TENM4: variants seen among roughly 807,000 people sequenced by gnomAD.
TENM4 encodes teneurin transmembrane protein 4, also known as teneurin-4.
In TENM4, 82 loss-of-function variants were observed where a neutral mutation model predicts 243.3. That is an observed-to-expected ratio of 0.34 (90% confidence interval 0.28 to 0.40). TENM4 has a LOEUF of 0.40. TENM4 is among the 10% of genes least tolerant of loss of function. The pLI is 1.00. For synonymous variants in TENM4, 1,412 were observed against 1,456.3 expected (o/e 0.97, Z 0.69); for missense variants, 3,138 against 3,673.3 (o/e 0.85, Z 3.77).
At chr11:78,893,191 G>A (rs532242242) in intron 7 of TENM4, among the ~76,000 whole-genome samples, 25 of 152,350 alleles carry the variant, frequency 1.6e-4, no homozygotes, top group African/African-American at 5.8e-4. Flanking sequence ...GAGCTTCAGA[G>A]GTGTGGACAT....
At chr11:79,364,817 C>T (rs1237338655) in intron 1 of TENM4, among the ~76,000 whole-genome samples, 4 of 152,196 alleles carry the variant, frequency 2.6e-5, no homozygotes, top group African/African-American at 7.2e-5. Context: ...AATTGTCCTA[C>T]ATTTGCTTTA....
intron 6 of TENM4, among the ~76,000 whole-genome samples, chr11:78,959,959 T>A (rs545068017): frequency 6.6e-6 from 1 of 151,954 alleles, no homozygotes; most frequent in South Asian, 2.1e-4. Flanking sequence ...ATATATATAT[T>A]TCCCCCCTAC....
At chr11:79,074,454 G>C (rs138343928) in intron 4 of TENM4, among the ~76,000 whole-genome samples, 1 of 152,212 alleles carries the variant, frequency 6.6e-6, no homozygotes, top group East Asian at 1.9e-4. Flanking sequence ...ATGCCTAAAC[G>C]TGTTCGCTCC....
chr11:78,877,121 C>T (rs1429955114), intron 9 of TENM4, among the ~76,000 whole-genome samples: 1 of 152,212 alleles, frequency 6.6e-6, no homozygotes, highest in Non-Finnish European at 1.5e-5. Context: ...TGTGCTTTTG[C>T]TCTGAGATCA....
intron 6 of TENM4, among the ~76,000 whole-genome samples, chr11:79,024,985 C>T (rs1859037094): frequency 1.3e-5 from 2 of 152,158 alleles, no homozygotes; most frequent in Admixed American, 1.3e-4. Context: ...ATATGCCTCT[C>T]TTGAAGACAG....
chr11:78,844,736 C>T (rs191761342), intron 12 of TENM4, among the ~76,000 whole-genome samples: 32 of 152,166 alleles, frequency 2.1e-4, no homozygotes, highest in Admixed American at 1.7e-3. Flanking sequence ...AGCAAGAAGG[C>T]GACTGTTGCC....
At chr11:78,714,527 G>C (rs994210568) in intron 25 of TENM4, among the ~76,000 whole-genome samples, 5 of 151,194 alleles carry the variant, frequency 3.3e-5, no homozygotes, top group Admixed American at 2.6e-4. Flanking sequence ...CCTGTAGCCT[G>C]GGTCCTCTTC....
At chr11:78,884,901 G>A (rs190747533) in intron 9 of TENM4, among the ~76,000 whole-genome samples, 5 of 152,244 alleles carry the variant, frequency 3.3e-5, no homozygotes, top group African/African-American at 2.4e-5. Context: ...TGTCAATTGC[G>A]AATAATAACT....
chr11:79,040,982 G>A (rs565174075), intron 6 of TENM4, among the ~76,000 whole-genome samples: 72 of 152,020 alleles, frequency 4.7e-4, no homozygotes, highest in African/African-American at 1.7e-3. Flanking sequence ...GTTAAGAAAT[G>A]AAAATACAAA....
intron 12 of TENM4, among the ~76,000 whole-genome samples, chr11:78,832,255 T>C (rs1591057081): frequency 6.6e-6 from 1 of 152,372 alleles, no homozygotes. Flanking sequence ...ATAGTGACCC[T>C]CATGGTTGGC....
At chr11:79,343,617 C>T (rs184084987) in intron 1 of TENM4, among the ~76,000 whole-genome samples, 38 of 151,772 alleles carry the variant, frequency 2.5e-4, no homozygotes, top group African/African-American at 8.9e-4. Context: ...GACTCCAATG[C>T]TTAATATGGT....
chr11:79,416,063 C>A (rs1056534094), intron 1 of TENM4, among the ~76,000 whole-genome samples: 1 of 152,170 alleles, frequency 6.6e-6, no homozygotes. Flanking sequence ...TTGGGCTAAT[C>A]AAGAATTTAT....
In TENM4 at chr11:78,732,574, A is replaced by T; in HGVS notation, c.2880T>A (p.Phe960Leu). ...AGATGCCGCCATTTGTCACCAAGTC[A>T]AAGCTGTTTGGGAGGGGAAGGTTGA... ...GYTISRQDGS[F>L]DLVTNGGISI... is the part of the protein sequence containing the mutation. The change falls in exon 21 of 34, where the codon TTT (phenylalanine) becomes TTA (leucine). Residue 960 changes from phenylalanine (F) to leucine (L), a missense_variant. Transcript: ENST00000278550. 1 of 1,597,684 alleles carries T rather than the reference A, an allele frequency of 6.3e-7. No individual in the cohort carries two copies.
intron 16 of TENM4, among the ~76,000 whole-genome samples, chr11:78,778,949 C>T (rs1306279643): frequency 6.6e-6 from 1 of 152,240 alleles, no homozygotes; most frequent in East Asian, 1.9e-4. Context: ...AAAGTGGCCA[C>T]ACTCCTGCTC....
At position 78,669,203 on chromosome 11, in the gene TENM4, A is replaced by G; in HGVS notation, c.7142T>C (p.Leu2381Pro). ...GTAGATCTCCCCATAGGCTGTGTAC[A>G]GGATTTGCTTGATCATCAAACCTGT... Reference protein sequence around the residue: ...SGTGLMIKQILYTAYGEIYMD... With the variant: ...SGTGLMIKQIPYTAYGEIYMD... Residue 2381 changes from leucine to proline, a missense_variant, in exon 32 of 34, where the codon CTG becomes CCG. By Grantham distance (98) the Leu-to-Pro change is moderately conservative. Around this residue, in one of 2 missense-constraint regions of TENM4, gnomAD observed 2,467 missense variants for 3,059.1 expected, o/e 0.81. Transcript: ENST00000278550. The surrounding 1 kb of genome is among the most constrained non-coding windows in gnomAD (Gnocchi z 6.4). The G allele has an allele frequency of 6.2e-7, 1 of 1,612,162 alleles. No individual in the cohort carries two copies. Among genetic ancestry groups the G allele is most frequent in the Non-Finnish European group, 8.5e-7 (1 of 1,179,202 alleles).
At chr11:79,059,006 A>C (rs1267258230) in intron 6 of TENM4, among the ~76,000 whole-genome samples, 1 of 152,338 alleles carries the variant, frequency 6.6e-6, no homozygotes, top group South Asian at 2.1e-4. Context: ...CAAGGAGAGC[A>C]GAGGATAAAT....
intron 1 of TENM4, among the ~76,000 whole-genome samples, chr11:79,331,006 C>G (rs1017276733): frequency 6.6e-6 from 1 of 152,212 alleles, no homozygotes; most frequent in Admixed American, 6.5e-5. Flanking sequence ...AGTTGGGAAC[C>G]AGACGTTTCC....
At chr11:79,258,427 T>C (rs1412701689) in intron 2 of TENM4, among the ~76,000 whole-genome samples, 1 of 152,222 alleles carries the variant, frequency 6.6e-6, no homozygotes, top group African/African-American at 2.4e-5. Flanking sequence ...CTCAAGTCTT[T>C]GTGAATTCTA....
At chr11:79,171,823 A>G (rs1014491838) in intron 3 of TENM4, among the ~76,000 whole-genome samples, 15 of 152,194 alleles carry the variant, frequency 9.9e-5, no homozygotes, top group African/African-American at 2.9e-4. Context: ...TTTTCCATTT[A>G]CTGTTTTTCA....
Sources: allele counts gnomAD v4.1 joint callset (sites outside exome capture counted in the v4.1 genomes callset), GRCh38; gene constraint gnomAD v4.1.1; regional missense constraint gnomAD v4.1.1; non-coding constraint Gnocchi (gnomAD v3.1); transcripts MANE v1.5; gene names NCBI Gene and HGNC (gene_info 2026-07-23, HGNC 2026-07-21).